The following CPAMD8 variants were observed in gnomAD, a reference collection of about 807,000 sequenced individuals.
CPAMD8 encodes C3 and PZP like alpha-2-macroglobulin domain containing 8, also known as C3 and PZP-like alpha-2-macroglobulin domain-containing protein 8.
In CPAMD8, 146 loss-of-function variants were observed where a neutral mutation model predicts 224.7. The ratio of observed to expected loss-of-function variants is 0.65; its 90% CI spans 0.57 to 0.75. The LOEUF (loss-of-function observed/expected upper bound fraction) is 0.75, where lower values mean the gene tolerates loss of function less well. Among genes scored for constraint, CPAMD8 ranks in the 30% least tolerant of loss-of-function variants. CPAMD8 has a pLI of 0.00. For missense variants in CPAMD8, 2,301 were observed against 2,537.5 expected, an observed-to-expected ratio of 0.91 and a Z score of 2.00; for synonymous variants, 966 against 1,044.6, an observed-to-expected ratio of 0.92 and a Z score of 1.45.
chr19:16,942,333 A>G (rs2053925787), intron 22 of CPAMD8, among the ~76,000 whole-genome samples: 1 of 151,994 alleles, frequency 6.6e-6, no homozygotes, highest in Non-Finnish European at 1.5e-5. Context: ...GTGGTGGTGC[A>G]TGCCTGTAGT....
rs765592291 is a variant in CPAMD8 at position 16,952,032 on chromosome 19, G to A, written c.2445C>T (p.Ile815=). ...FFVDFMLPAL[I]IRGEQVKIPL... is the part of the protein sequence containing the mutation. The stretch of plus-strand genomic sequence containing the variant: ...GGATCTTGACCTGCTCCCCACGGAT[G>A]ATGAGAGCGGGGAGCATGAAGTCCA... The change falls in exon 20 of 42, where the codon ATC becomes ATT. Residue 815 remains isoleucine (I), a synonymous_variant. Coordinates refer to ENST00000443236, the MANE Select transcript of CPAMD8 (RefSeq NM_015692.5). The A allele has an allele frequency of 3.8e-6, 6 of 1,584,574 alleles. No homozygotes were observed. In the South Asian group the frequency reaches 5.7e-5, roughly 15 times the overall value.
At chr19:16,977,801 G>T (rs372244690) in intron 14 of CPAMD8, among the ~76,000 whole-genome samples, 1 of 152,098 alleles carries the variant, frequency 6.6e-6, no homozygotes, top group African/African-American at 2.4e-5. Flanking sequence ...CTCTGCCGGG[G>T]AACATGGTCC....
chr19:16,988,859 C>T (rs4808548), intron 13 of CPAMD8, among the ~76,000 whole-genome samples: 36,807 of 152,026 alleles, frequency 0.24, 5,361 homozygotes, highest in Non-Finnish European at 0.32. Context: ...TATTTACAGC[C>T]GCTCGCATCA....
At position 16,976,408 on chromosome 19, in the gene CPAMD8, A is replaced by G. The variant is rs139085369; in HGVS notation, c.1759-257T>C. On this transcript the variant is annotated intron_variant, in intron 15 of 41. Transcript: ENST00000443236. The stretch of plus-strand genomic sequence containing the variant: ...GGAGAATCGCTTGAAGCCCAGAGAC[A>G]GAGGTTGCAGGGAGCTGAGAGAGTG... Among the ~76,000 whole-genome samples the G allele has an allele frequency of 6.5e-3, 993 of 152,140 alleles. 7 individuals carry two copies. Among genetic ancestry groups the G allele is most frequent in the Middle Eastern group, 0.01 (3 of 294 alleles).
chr19:16,939,596 A>T (rs1444612412), intron 22 of CPAMD8, among the ~76,000 whole-genome samples: 1 of 152,156 alleles, frequency 6.6e-6, no homozygotes, highest in Non-Finnish European at 1.5e-5. Flanking sequence ...GCGTCCAGGA[A>T]GTGCTTCTGC....
intron 3 of CPAMD8, chr19:17,013,470 C>T (rs2056719962): frequency 7.1e-6 from 1 of 141,514 alleles, no homozygotes; most frequent in Non-Finnish European, 1.5e-5. Flanking sequence ...GAGATCACAC[C>T]ACTGAACTCC....
chr19:16,916,420 T>G (rs1387350472), intron 27 of CPAMD8, among the ~76,000 whole-genome samples: 1 of 152,050 alleles, frequency 6.6e-6, no homozygotes, highest in Non-Finnish European at 1.5e-5. Context: ...CAGCTAATAT[T>G]TTTGTATTTT....
chr19:16,923,456 A>G (rs753277745), intron 26 of CPAMD8, among the ~76,000 whole-genome samples: 2 of 152,232 alleles, frequency 1.3e-5, no homozygotes, highest in Non-Finnish European at 2.9e-5. Flanking sequence ...AGCCTCAGGA[A>G]GGACAGGGCT....
At position 16,909,417 on chromosome 19, in the gene CPAMD8, G is replaced by A. The variant is rs572364217; in HGVS notation, c.3862-2300C>T. ...AAATTAGCTGGGCGTGGTGGCGAGCGCCTGTAGATCCAGCTACTCAGGAGG... is the reference window on the plus strand; with the variant it reads ...AAATTAGCTGGGCGTGGTGGCGAGCACCTGTAGATCCAGCTACTCAGGAGG... On this transcript the variant is annotated intron_variant, in intron 29 of 41. Coordinates refer to ENST00000443236, the MANE Select transcript of CPAMD8 (RefSeq NM_015692.5). 1.3e-4 allele frequency among the ~76,000 whole-genome samples: 20 copies of A among 152,120 alleles called. No homozygotes were observed. The South Asian group carries it at 3.7e-3, about 28-fold the overall frequency.
At chr19:16,940,441 C>A (rs544752319) in intron 22 of CPAMD8, among the ~76,000 whole-genome samples, 12 of 143,434 alleles carry the variant, frequency 8.4e-5, no homozygotes, top group African/African-American at 2.9e-4. Context: ...CCTCTCTGGG[C>A]CCCCATTTCT....
intron 3 of CPAMD8, among the ~76,000 whole-genome samples, chr19:17,017,550 G>T (rs556316935): frequency 1.3e-5 from 2 of 152,134 alleles, no homozygotes; most frequent in Non-Finnish European, 2.9e-5. Context: ...GGGATCCTGC[G>T]CATTGTAAGA....
At chr19:16,916,177 C>T (rs576232049) in intron 27 of CPAMD8, among the ~76,000 whole-genome samples, 5 of 152,094 alleles carry the variant, frequency 3.3e-5, no homozygotes, top group South Asian at 4.2e-4. Context: ...CGACATCCAG[C>T]GAATTTTTAA....
chr19:16,921,725 T>G (rs1415947073), intron 27 of CPAMD8, among the ~76,000 whole-genome samples, 180 bp downstream of exon 27: 1 of 152,170 alleles, frequency 6.6e-6, no homozygotes, highest in Non-Finnish European at 1.5e-5. Context: ...AGCTCTGCAC[T>G]GGCCCCAAGC....
chr19:16,976,274 G>A (rs933292518), intron 15 of CPAMD8, 123 bp from the exon 16 acceptor site: 36 of 663,270 alleles, frequency 5.4e-5, no homozygotes, highest in East Asian at 2.9e-4. Flanking sequence ...TCAAGAGTTC[G>A]AGACCAGCCT....
At chr19:16,896,746 G>A in intron 39 of CPAMD8, 81 bp from the exon 40 acceptor site, 1 of 1,035,254 alleles carries the variant, frequency 9.7e-7, no homozygotes, top group East Asian at 3.2e-5. Context: ...TGGGGAAGAT[G>A]TCCCTGGGTC....
chr19:17,006,551 T>A (rs201228550), intron 7 of CPAMD8, among the ~76,000 whole-genome samples: 1 of 151,680 alleles, frequency 6.6e-6, no homozygotes, highest in Admixed American at 6.6e-5. Flanking sequence ...AAAAACTTTT[T>A]AAAAAAAGAT....
chr19:16,977,428 C>T lies in CPAMD8; in HGVS notation c.1698G>A (p.Glu566=). Residue 566 remains glutamate (E), a synonymous_variant, in exon 15 of 42, where the codon GAG becomes GAA. Coordinates refer to ENST00000443236, the MANE Select transcript of CPAMD8 (RefSeq NM_015692.5). ...GGCTGTCGGCGACCCCTTCTCCATT[C>T]TCCCTGACGTAGAAGACCAGCAGGC... ...LGRLLVFYVR[E]NGEGVADSLQ... 1 of 1,612,612 alleles carries T rather than the reference C, an allele frequency of 6.2e-7. No individual in the cohort carries two copies. Among genetic ancestry groups the T allele is most frequent in the Non-Finnish European group, 8.5e-7 (1 of 1,178,956 alleles).
At position 16,928,632 on chromosome 19, in the gene CPAMD8, A is replaced by G. The variant is rs74935117; in HGVS notation, c.3144+310T>C. Among the ~76,000 whole-genome samples the G allele has an allele frequency of 4.4e-3, 666 of 152,018 alleles. 7 individuals are homozygous for G. The highest frequency in any genetic ancestry group is 0.015 in the African/African-American group (642 of 41,480). On this transcript the variant is annotated intron_variant, in intron 24 of 41. Transcript: ENST00000443236. ...GTTGGGAAGCTGTGTTAGCTTCTAT[A>G]TCTTCTTTTTCCTTGGCCCAGAAAA...
rs548618566 is a variant in CPAMD8 at position 16,988,823 on chromosome 19, T to C, written c.1395+820A>G. Among the ~76,000 whole-genome samples the C allele has an allele frequency of 3.3e-5, 5 of 152,182 alleles. No homozygotes were observed. The South Asian group carries it at 1.0e-3, about 32-fold the overall frequency. On this transcript the variant is annotated intron_variant, in intron 13 of 41. Coordinates refer to ENST00000443236, the MANE Select transcript of CPAMD8 (RefSeq NM_015692.5). ...AGGTCACACAGCAGGAGGTGAGTAG[T>C]AGGCTGACAATCAAAACTTCATCTG...
Sources: gnomAD v4.1 joint callset for allele counts (sites outside exome capture counted in the v4.1 genomes callset) on GRCh38, gnomAD v4.1.1 for gene constraint, MANE v1.5 for transcripts, NCBI Gene and HGNC (gene_info 2026-07-23, HGNC 2026-07-21) for gene names.